TMEM132B: variants seen among roughly 807,000 people sequenced by gnomAD.
TMEM132B encodes transmembrane protein 132B.
In TMEM132B, 18 loss-of-function variants were observed where a neutral mutation model predicts 90.8. That is an observed-to-expected ratio of 0.20 (90% CI 0.14 to 0.29). The LOEUF (loss-of-function observed/expected upper bound fraction) is 0.29. Ranked by LOEUF, TMEM132B falls within the 10% of genes least tolerant of loss-of-function variation. The probability of loss-of-function intolerance (pLI) is 1.00; values close to 1 mark genes in which losing one functional copy is unlikely to be tolerated. For synonymous variants in TMEM132B, 504 were observed against 523.3 expected (o/e 0.96, Z 0.50); for missense variants, 1,096 against 1,326.8 (o/e 0.83, Z 2.70).
At chr12:125,355,947 C>T (rs996420121) in intron 2 of TMEM132B, among the ~76,000 whole-genome samples, 2 of 151,746 alleles carry the variant, frequency 1.3e-5, no homozygotes, top group Non-Finnish European at 2.9e-5. Flanking sequence ...ACATCTCACC[C>T]ATGCCTTGAA....
intron 4 of TMEM132B, among the ~76,000 whole-genome samples, chr12:125,572,456 G>A (rs1566077729): frequency 1.3e-5 from 2 of 152,230 alleles, no homozygotes; most frequent in Non-Finnish European, 2.9e-5. Context: ...GAAGCAGAGG[G>A]CAGCCCTCAC....
intron 4 of TMEM132B, among the ~76,000 whole-genome samples, chr12:125,537,346 C>T (rs1431005228): frequency 6.6e-6 from 1 of 152,184 alleles, no homozygotes; most frequent in African/African-American, 2.4e-5. Flanking sequence ...CAAAACGAAC[C>T]AACACACAAA....
intron 4 of TMEM132B, among the ~76,000 whole-genome samples, chr12:125,552,343 C>T (rs1884249377): frequency 6.6e-6 from 1 of 152,174 alleles, no homozygotes; most frequent in Non-Finnish European, 1.5e-5. Context: ...CTGGTCTCCA[C>T]CAGTGGCCAC....
intron 2 of TMEM132B, among the ~76,000 whole-genome samples, chr12:125,355,206 C>T (rs969073370): frequency 6.6e-6 from 1 of 151,986 alleles, no homozygotes. Context: ...ATGAAGACCA[C>T]CCAAATGAGA....
At chr12:125,619,348 ATTTATTT>A in intron 5 of TMEM132B, among the ~76,000 whole-genome samples, 1 of 97,996 alleles carries the variant, frequency 1.0e-5, no homozygotes, top group Non-Finnish European at 2.1e-5. Flanking sequence ...TTATTTATTT[ATTTATTT>A]ATTTATTTAT....
intron 2 of TMEM132B, among the ~76,000 whole-genome samples, chr12:125,410,571 AGGAGT>A (rs1381691691): frequency 3.0e-4 from 1 of 3,304 alleles, no homozygotes; most frequent in Non-Finnish European, 5.4e-4. Context: ...AGTGGAGTGG[AGGAGT>A]GGAGTGGAGT....
At chr12:125,584,175 C>T (rs895181016) in intron 5 of TMEM132B, 181 bp downstream of exon 5, 6 of 795,196 alleles carry the variant, frequency 7.5e-6, no homozygotes, top group Non-Finnish European at 1.2e-5. Context: ...CAGGCGGCTG[C>T]AGCAGGTGAT....
intron 5 of TMEM132B, among the ~76,000 whole-genome samples, chr12:125,626,920 CA>C (rs1410566331): frequency 1.3e-5 from 2 of 151,920 alleles, no homozygotes; most frequent in African/African-American, 2.4e-5. Flanking sequence ...TTTGGGATTC[CA>C]ATTACATGTA....
chr12:125,541,358 G>A (rs1883952061), intron 4 of TMEM132B, among the ~76,000 whole-genome samples: 1 of 152,162 alleles, frequency 6.6e-6, no homozygotes, highest in Non-Finnish European at 1.5e-5. Flanking sequence ...CCCTGATTCT[G>A]TCTGTCCTGA....
At chr12:125,377,917 G>A (rs1878543103) in intron 2 of TMEM132B, among the ~76,000 whole-genome samples, 1 of 152,136 alleles carries the variant, frequency 6.6e-6, no homozygotes, top group Non-Finnish European at 1.5e-5. Flanking sequence ...AGTTCTTTTG[G>A]GGATACAGCG....
chr12:125,330,005 C>T (rs1876713839), intron 1 of TMEM132B, among the ~76,000 whole-genome samples: 1 of 152,244 alleles, frequency 6.6e-6, no homozygotes, highest in Admixed American at 6.5e-5. Flanking sequence ...AGTAGCCCTG[C>T]TGGCAGCCTG....
rs1957761640 is a variant in TMEM132B at position 125,186,599 on chromosome 12, C to G, written c.-201C>G. 6.8e-6 allele frequency among the ~76,000 whole-genome samples: 1 copy of G among 146,872 alleles called. No homozygotes were observed. Among genetic ancestry groups the G allele is most frequent in the African/African-American group, 2.4e-5 (1 of 40,934 alleles). On this transcript the variant is annotated 5_prime_UTR_variant, in exon 1 of 9. Coordinates refer to ENST00000682704, the MANE Select transcript of TMEM132B (RefSeq NM_001366854.1). This position sits in a 1 kb window ranked among gnomAD's most constrained non-coding sequence, Gnocchi z 6.3. Reference sequence around the variant, plus strand: ...CCCCAGCTCCCCAGCCACGCACGGCCGAGCCCAGGAGAGCGCGCAGAGGCG... The same window carrying G: ...CCCCAGCTCCCCAGCCACGCACGGCGGAGCCCAGGAGAGCGCGCAGAGGCG...
At chr12:125,273,862 C>T (rs959316092) in intron 1 of TMEM132B, among the ~76,000 whole-genome samples, 1 of 152,132 alleles carries the variant, frequency 6.6e-6, no homozygotes, top group Non-Finnish European at 1.5e-5. Flanking sequence ...TGGGGTTTCA[C>T]CATGTTGGTC....
intron 1 of TMEM132B, among the ~76,000 whole-genome samples, chr12:125,254,460 T>C (rs970867298): frequency 6.6e-6 from 1 of 152,048 alleles, no homozygotes; most frequent in Non-Finnish European, 1.5e-5. Flanking sequence ...AGCAGATGTT[T>C]CCTTGAGGTT....
At chr12:125,218,507 C>T (rs577252176) in intron 1 of TMEM132B, among the ~76,000 whole-genome samples, 15 of 152,166 alleles carry the variant, frequency 9.9e-5, no homozygotes, top group Admixed American at 2.6e-4. Flanking sequence ...AAATCTCAAA[C>T]GCCCACGACA....
chr12:125,352,960 G>A (rs912382004), intron 2 of TMEM132B, among the ~76,000 whole-genome samples: 1 of 152,220 alleles, frequency 6.6e-6, no homozygotes, highest in Non-Finnish European at 1.5e-5. Context: ...CCCTGTGCTA[G>A]TCACTCCACT....
At chr12:125,217,663 A>G (rs1224366568) in intron 1 of TMEM132B, among the ~76,000 whole-genome samples, 3 of 152,168 alleles carry the variant, frequency 2.0e-5, no homozygotes, top group Non-Finnish European at 2.9e-5. Flanking sequence ...CATGTTGCCC[A>G]GGCCGGTCTC....
At chr12:125,257,792 A>G (rs895983042) in intron 1 of TMEM132B, among the ~76,000 whole-genome samples, 1 of 152,128 alleles carries the variant, frequency 6.6e-6, no homozygotes, top group Non-Finnish European at 1.5e-5. Flanking sequence ...AGAGGCAGAG[A>G]CTGGGATGAT....
chr12:125,321,474 TTC>T (rs1011022362), intron 1 of TMEM132B, among the ~76,000 whole-genome samples: 2 of 91,328 alleles, frequency 2.2e-5, no homozygotes, highest in Non-Finnish European at 2.0e-5. Flanking sequence ...TTGAAAATGA[TTC>T]TTTTTTTTTT....
Sources: gnomAD v4.1 joint callset for allele counts (sites outside exome capture counted in the v4.1 genomes callset) on GRCh38, gnomAD v4.1.1 for gene constraint, Gnocchi (gnomAD v3.1) non-coding constraint, MANE v1.5 for transcripts, NCBI Gene and HGNC (gene_info 2026-07-23, HGNC 2026-07-21) for gene names.